GHR: variants seen among roughly 807,000 people sequenced by gnomAD.
GHR encodes GH receptor.
In GHR, 35 loss-of-function variants were observed where a neutral mutation model predicts 67.1. The ratio of observed to expected loss-of-function variants is 0.52; its 90% confidence interval spans 0.40 to 0.69. The LOEUF (loss-of-function observed/expected upper bound fraction) is 0.69. Among genes scored for constraint, GHR ranks in the 30% least tolerant of loss-of-function variants. The pLI, the probability that GHR is intolerant of heterozygous loss-of-function variation, is 0.00. For missense variants in GHR, 792 were observed against 764.6 expected (o/e 1.04, Z -0.42); for synonymous variants, 272 against 269.1 (o/e 1.01, Z -0.10).
At chr5:42,698,228 C>A (rs1161369904) in intron 5 of GHR, among the ~76,000 whole-genome samples, 1 of 152,082 alleles carries the variant, frequency 6.6e-6, no homozygotes, top group East Asian at 1.9e-4. Context: ...CATTATTATG[C>A]CTGTAATGGT....
intron 1 of GHR, among the ~76,000 whole-genome samples, chr5:42,432,598 A>G (rs1300900389): frequency 6.6e-6 from 1 of 152,224 alleles, no homozygotes; most frequent in Non-Finnish European, 1.5e-5. Flanking sequence ...GACTAATCTG[A>G]CAAAGCATAT....
intron 1 of GHR, among the ~76,000 whole-genome samples, chr5:42,523,686 T>A (rs1387720265): frequency 2.6e-5 from 4 of 152,158 alleles, no homozygotes; most frequent in Non-Finnish European, 5.9e-5. Context: ...TTAGGAGCGT[T>A]AATAATGCTA....
intron 3 of GHR, among the ~76,000 whole-genome samples, chr5:42,671,641 T>TAA (rs33934676): frequency 0.026 from 3,520 of 136,670 alleles, 152 homozygotes; most frequent in South Asian, 0.16. Flanking sequence ...CCCTTCATGT[T>TAA]AAAAAAAAAA....
At chr5:42,475,287 G>A (rs568798972) in intron 1 of GHR, among the ~76,000 whole-genome samples, 2 of 152,214 alleles carry the variant, frequency 1.3e-5, no homozygotes, top group East Asian at 1.9e-4. Flanking sequence ...TTCCCTCTAG[G>A]TTTGGATGTA....
At chr5:42,608,763 A>T (rs1034974968) in intron 2 of GHR, among the ~76,000 whole-genome samples, 5 of 152,138 alleles carry the variant, frequency 3.3e-5, no homozygotes, top group African/African-American at 1.2e-4. Flanking sequence ...GAGACATGCT[A>T]CCACATATTC....
At chr5:42,651,621 C>T (rs1435356113) in intron 3 of GHR, among the ~76,000 whole-genome samples, 1 of 152,186 alleles carries the variant, frequency 6.6e-6, no homozygotes, top group African/African-American at 2.4e-5. Context: ...CTTATTGCCC[C>T]TATTGCATCT....
chr5:42,497,945 A>AC (rs1349837432), intron 1 of GHR, among the ~76,000 whole-genome samples: 3 of 152,178 alleles, frequency 2.0e-5, no homozygotes, highest in Non-Finnish European at 2.9e-5. Flanking sequence ...CTGAAGTCAT[A>AC]CAATCAATGG....
intron 2 of GHR, among the ~76,000 whole-genome samples, chr5:42,571,949 C>T (rs923849464): frequency 6.6e-6 from 1 of 152,306 alleles, no homozygotes; most frequent in South Asian, 2.1e-4. Context: ...AACCCAAGTT[C>T]AACTGTGCAG....
At position 42,629,559 on chromosome 5, in the gene GHR, C is replaced by T. The variant is rs1297054465; in HGVS notation, c.136+456C>T. ...CTGAGGCTTTCACCAGAAGCAGATG[C>T]TAATACAGCCTGCAGAACTGTGAGC... On this transcript the variant is annotated intron_variant, in intron 3 of 9. Coordinates refer to ENST00000230882, the MANE Select transcript of GHR (RefSeq NM_000163.5). Among the ~76,000 whole-genome samples, 4 of 132,254 alleles carry T rather than the reference C, an allele frequency of 3.0e-5. 1 individual carries two copies. Among genetic ancestry groups the T allele is most frequent in the Admixed American group, 1.5e-4 (2 of 13,748 alleles). The allele number at this position is 132,254 out of a possible 152,430, so 86.8% of individuals were successfully genotyped here. A position where few individuals can be genotyped will look rare whatever the true frequency, so the allele number is the denominator to read the frequency against.
At position 42,424,608 on chromosome 5, in the gene GHR, A is replaced by T. The variant is rs1006235385; in HGVS notation, c.-12+653A>T. On this transcript the variant is annotated intron_variant, in intron 1 of 9. Coordinates refer to ENST00000230882, the MANE Select transcript of GHR (RefSeq NM_000163.5). The surrounding 1 kb of genome is among the most constrained non-coding windows in gnomAD (Gnocchi z 4.1). ...GTCCGCATGAACTGGGGTAAGTGGA[A>T]ATTGTGGCGAGCCGACCTCCCCCAG... 6.5e-7 allele frequency: 1 copy of T among 1,534,176 alleles called. No individual in the cohort carries two copies. The highest frequency in any genetic ancestry group is 1.4e-5 in the African/African-American group (1 of 72,972).
At position 42,718,510 on chromosome 5, in the gene GHR, G is replaced by A. The variant is rs199937609; in HGVS notation, c.1003G>A (p.Glu335Lys). 71 of 1,612,470 alleles carry A rather than the reference G, an allele frequency of 4.4e-5. No individual in the cohort carries two copies. Among genetic ancestry groups the A allele is most frequent in the Admixed American group, 8.3e-5 (5 of 59,988 alleles). The change falls in exon 10 of 10, where the codon GAA becomes AAA. Residue 335 changes from glutamate (E) to lysine (K), a missense_variant. Glu to Lys is a moderately conservative substitution (Grantham distance 56, BLOSUM62 1). Transcript: ENST00000230882. Reference protein sequence around the residue: ...ILAIHDSYKPEFHSDDSWVEF... With the variant: ...ILAIHDSYKPKFHSDDSWVEF... Reference sequence around the variant, plus strand: ...AGCCATTCATGATAGCTATAAACCCGAATTCCACAGTGATGACTCTTGGGT... The same window carrying A: ...AGCCATTCATGATAGCTATAAACCCAAATTCCACAGTGATGACTCTTGGGT...
intron 1 of GHR, among the ~76,000 whole-genome samples, chr5:42,563,559 A>G (rs368663076): frequency 3.3e-4 from 47 of 143,434 alleles, no homozygotes; most frequent in African/African-American, 1.2e-3. Context: ...CGGAGCTTGC[A>G]GTGAGCCGAG....
At chr5:42,541,365 G>A (rs1025739442) in intron 1 of GHR, among the ~76,000 whole-genome samples, 1 of 152,132 alleles carries the variant, frequency 6.6e-6, no homozygotes. Context: ...AGAGGGAATA[G>A]CATATACTAT....
At chr5:42,427,088 C>T (rs1742885412) in intron 1 of GHR, among the ~76,000 whole-genome samples, 1 of 152,184 alleles carries the variant, frequency 6.6e-6, no homozygotes, top group Non-Finnish European at 1.5e-5. Flanking sequence ...CAAATATTAT[C>T]CTCCTTGCCG....
Position 42,498,992 on chromosome 5 carries a change from TGTTG to T in GHR, c.-11-66871_-11-66868del, listed in dbSNP as rs1746430468. On this transcript the variant is annotated intron_variant, in intron 1 of 9. Coordinates refer to ENST00000230882, the MANE Select transcript of GHR (RefSeq NM_000163.5). Reference sequence around the variant, plus strand: ...ATGAACTTGATAGAATAAAGATTATTGTTGTTCTCTAATCTCCTGGGTATGAGAC... The same window carrying T: ...ATGAACTTGATAGAATAAAGATTATTTTCTCTAATCTCCTGGGTATGAGAC... 1.3e-5 allele frequency among the ~76,000 whole-genome samples: 2 copies of T among 152,196 alleles called. 1 individual carries two copies. The highest frequency in any genetic ancestry group is 4.1e-4 in the South Asian group (2 of 4,820).
Position 42,424,728 on chromosome 5 carries a change from G to C in GHR, c.-12+773G>C, listed in dbSNP as rs981631909. On this transcript the variant is annotated intron_variant, in intron 1 of 9. Transcript: ENST00000230882. The surrounding 1 kb of genome is among the most constrained non-coding windows in gnomAD (Gnocchi z 4.1). ...GTCAATGGGGTGGCCGCGTGTCTAG[G>C]GAGAGGGCGCTGGCGGCGCAGAGGG... 1.0e-6 allele frequency: 1 copy of C among 980,218 alleles called. No individual in the cohort carries two copies. The highest frequency in any genetic ancestry group is 1.6e-5 in the African/African-American group (1 of 62,548). 60.7% of individuals were successfully genotyped at this position (980,218 alleles called of 1,614,324 possible). A position where few individuals can be genotyped will look rare whatever the true frequency, so the allele number is the denominator to read the frequency against.
chr5:42,523,800 G>T (rs1481595513), intron 1 of GHR, among the ~76,000 whole-genome samples: 1 of 152,114 alleles, frequency 6.6e-6, no homozygotes, highest in Non-Finnish European at 1.5e-5. Context: ...GGCACCCAGG[G>T]GGTGGTAATT....
At chr5:42,475,323 A>G (rs1232915782) in intron 1 of GHR, among the ~76,000 whole-genome samples, 1 of 152,160 alleles carries the variant, frequency 6.6e-6, no homozygotes, top group Non-Finnish European at 1.5e-5. Flanking sequence ...ATTTGGGTTT[A>G]TAACAGAGGC....
rs140478191 is a variant in GHR, at chr5:42,575,963, G to A, written c.70+10019G>A. Among the ~76,000 whole-genome samples, 1,812 of 151,190 alleles carry A rather than the reference G, an allele frequency of 0.012. 79 individuals carry two copies. The East Asian group carries it at 0.14, about 12-fold the overall frequency. On this transcript the variant is annotated intron_variant, in intron 2 of 9. Coordinates refer to ENST00000230882, the MANE Select transcript of GHR (RefSeq NM_000163.5). ...GCAGGGGAATTGCTTGAACCCAGGA[G>A]GCAGAAGTTGCAGTGAGCTGAGGTG...
Sources: allele counts gnomAD v4.1 joint callset (sites outside exome capture counted in the v4.1 genomes callset), GRCh38; gene constraint gnomAD v4.1.1; non-coding constraint Gnocchi (gnomAD v3.1); transcripts MANE v1.5; gene names NCBI Gene and HGNC (gene_info 2026-07-23, HGNC 2026-07-21).